The following FMN2 variants were observed in gnomAD, a reference collection of about 807,000 sequenced individuals.
FMN2 encodes the protein formin-2.
Under a neutral mutation model 142.3 loss-of-function variants are expected in FMN2, and 51 were observed. The observed-to-expected ratio is 0.36, with a 90% CI of 0.29 to 0.45. The LOEUF is 0.45. Among genes scored for constraint, FMN2 ranks in the 20% least tolerant of loss-of-function variants. FMN2 has a pLI of 1.00. For synonymous variants in FMN2, 882 were observed against 869.8 expected (o/e 1.01, Z -0.25); for missense variants, 1,936 against 2,122.8 (o/e 0.91, Z 1.73).
At chr1:240,454,573 A>G (rs1450642040) in intron 16 of FMN2, among the ~76,000 whole-genome samples, 2 of 152,158 alleles carry the variant, frequency 1.3e-5, no homozygotes, top group African/African-American at 4.8e-5. Flanking sequence ...ATGGCTTCCA[A>G]TCCTTTAGAT....
At chr1:240,161,053 C>A (rs994483670) in intron 2 of FMN2, among the ~76,000 whole-genome samples, 1 of 152,094 alleles carries the variant, frequency 6.6e-6, no homozygotes, top group East Asian at 1.9e-4. Flanking sequence ...GCCTAATAAA[C>A]TTCATTGAGA....
chr1:240,123,081 T>C (rs1410817695), intron 1 of FMN2, 98 bp from the exon 2 acceptor site: 1 of 1,341,122 alleles, frequency 7.5e-7, no homozygotes, highest in African/African-American at 1.5e-5. Flanking sequence ...GGAAACGGTG[T>C]TGTTCCCTGG....
At chr1:240,307,382 T>C (rs1670446376) in intron 8 of FMN2, among the ~76,000 whole-genome samples, 2 of 152,136 alleles carry the variant, frequency 1.3e-5, no homozygotes, top group African/African-American at 4.8e-5. Context: ...TTTGAGGTCT[T>C]ACTTTTAAGT....
intron 16 of FMN2, among the ~76,000 whole-genome samples, chr1:240,460,186 A>T (rs1676400771): frequency 6.6e-6 from 1 of 152,336 alleles, no homozygotes; most frequent in South Asian, 2.1e-4. Context: ...AAATTTATCC[A>T]ATTATTCAAT....
chr1:240,193,148 T>C (rs1005162894), intron 4 of FMN2, among the ~76,000 whole-genome samples: 1 of 152,168 alleles, frequency 6.6e-6, no homozygotes, highest in Non-Finnish European at 1.5e-5. Context: ...GCAACATTAT[T>C]AATGGCCTGT....
At chr1:240,219,706 G>A (rs1191367519) in intron 6 of FMN2, among the ~76,000 whole-genome samples, 1 of 151,950 alleles carries the variant, frequency 6.6e-6, no homozygotes, top group Non-Finnish European at 1.5e-5. Context: ...CCAGGCTGGA[G>A]TACTGTGGTA....
chr1:240,152,555 C>T (rs144957989), intron 2 of FMN2, among the ~76,000 whole-genome samples: 10 of 152,246 alleles, frequency 6.6e-5, no homozygotes, highest in East Asian at 5.8e-4. Context: ...ATACATACCA[C>T]GCTCTCTTCT....
intron 14 of FMN2, among the ~76,000 whole-genome samples, chr1:240,368,088 C>T (rs1234745214): frequency 6.6e-6 from 1 of 152,126 alleles, no homozygotes; most frequent in Non-Finnish European, 1.5e-5. Context: ...TTCCATTAGC[C>T]TATTTCCATT....
chr1:240,144,717 T>A (rs1213005192), intron 2 of FMN2: 1 of 1,308,962 alleles, frequency 7.6e-7, no homozygotes, highest in Non-Finnish European at 1.1e-6. Flanking sequence ...TTCTCATCAA[T>A]GTCCTTCTCC....
At chr1:240,126,772 C>A (rs1284733818) in intron 2 of FMN2, among the ~76,000 whole-genome samples, 1 of 152,136 alleles carries the variant, frequency 6.6e-6, no homozygotes, top group Non-Finnish European at 1.5e-5. Context: ...TGTTAGTGAG[C>A]AAGAGAATGT....
intron 2 of FMN2, among the ~76,000 whole-genome samples, chr1:240,149,584 T>C (rs1187029735): frequency 6.6e-6 from 1 of 152,244 alleles, no homozygotes; most frequent in Non-Finnish European, 1.5e-5. Flanking sequence ...ACCGAGGTGC[T>C]AAATTTCAGT....
intron 8 of FMN2, among the ~76,000 whole-genome samples, chr1:240,324,878 T>A (rs145698811): frequency 6.6e-6 from 1 of 152,296 alleles, no homozygotes; most frequent in African/African-American, 2.4e-5. Flanking sequence ...ATTCACTGCA[T>A]GTCTGTAATT....
intron 15 of FMN2, among the ~76,000 whole-genome samples, chr1:240,423,749 T>C (rs1159665028): frequency 6.6e-6 from 1 of 152,190 alleles, no homozygotes; most frequent in East Asian, 1.9e-4. Flanking sequence ...CAATCATAGA[T>C]GTGTGCATAA....
chr1:240,414,078 A>G (rs1415459756), intron 15 of FMN2, among the ~76,000 whole-genome samples: 1 of 152,240 alleles, frequency 6.6e-6, no homozygotes, highest in South Asian at 2.1e-4. Flanking sequence ...TAGCTTCACA[A>G]TCTCTGAATT....
At chr1:240,428,982 CT>C (rs1180686994) in intron 15 of FMN2, among the ~76,000 whole-genome samples, 1 of 152,022 alleles carries the variant, frequency 6.6e-6, no homozygotes, top group Non-Finnish European at 1.5e-5. Context: ...TCTCTTAAAT[CT>C]TTTTTTAAAA....
At chr1:240,168,257 T>C (rs1664560279) in intron 2 of FMN2, among the ~76,000 whole-genome samples, 1 of 152,022 alleles carries the variant, frequency 6.6e-6, no homozygotes, top group Admixed American at 6.6e-5. Context: ...ATCCAGCCAG[T>C]CAGTCATCTT....
intron 15 of FMN2, among the ~76,000 whole-genome samples, chr1:240,431,423 T>TATATATATATATATATATATATATACAC (rs1491221486): frequency 1.5e-5 from 2 of 130,954 alleles, no homozygotes; most frequent in African/African-American, 2.8e-5. Context: ...TATATATATA[T>TATATATATATATATATATATATATACAC]ACATATATAT....
intron 16 of FMN2, among the ~76,000 whole-genome samples, chr1:240,452,525 A>G (rs1676097415): frequency 6.6e-6 from 1 of 152,162 alleles, no homozygotes; most frequent in African/African-American, 2.4e-5. Context: ...ACTTTACGAG[A>G]CGGGTTTATT....
chr1:240,276,792 G>C (rs1669227776), intron 7 of FMN2, among the ~76,000 whole-genome samples: 1 of 152,100 alleles, frequency 6.6e-6, no homozygotes, highest in Admixed American at 6.6e-5. Context: ...AGTATTTCTA[G>C]ATGGGTAAGA....
Sources: allele counts gnomAD v4.1 joint callset (sites outside exome capture counted in the v4.1 genomes callset), GRCh38; gene constraint gnomAD v4.1.1; transcripts MANE v1.5; gene names NCBI Gene and HGNC (gene_info 2026-07-23, HGNC 2026-07-21).